The following ZMYM1 variants were observed in gnomAD, a reference collection of about 807,000 sequenced individuals.
The protein encoded by ZMYM1 is zinc finger MYM-type containing 1.
In ZMYM1, 39 loss-of-function variants were observed where a neutral mutation model predicts 60.0. The ratio of observed to expected loss-of-function variants is 0.65; its 90% confidence interval spans 0.50 to 0.85. The LOEUF is 0.85. ZMYM1 is among the 40% of genes least tolerant of loss of function. ZMYM1 has a pLI of 0.00. For missense variants in ZMYM1, 1,171 were observed against 1,309.5 expected (o/e 0.89, Z 1.63); for synonymous variants, 413 against 454.0 (o/e 0.91, Z 1.15).
intron 1 of ZMYM1, among the ~76,000 whole-genome samples, chr1:35,065,320 C>G (rs1386761351): frequency 1.3e-5 from 2 of 151,900 alleles, no homozygotes; most frequent in African/African-American, 4.8e-5. Context: ...TTTTATGACC[C>G]ATTTACACAT....
chr1:35,090,022 A>G (rs906455667), intron 1 of ZMYM1, among the ~76,000 whole-genome samples: 1 of 150,482 alleles, frequency 6.6e-6, no homozygotes, highest in African/African-American at 2.5e-5. Flanking sequence ...CTCCTGCCTC[A>G]GCCTCCCAGA....
At chr1:35,069,575 A>C (rs988917891) in intron 1 of ZMYM1, among the ~76,000 whole-genome samples, 20 of 152,040 alleles carry the variant, frequency 1.3e-4, no homozygotes, top group African/African-American at 4.8e-4. Flanking sequence ...CTGCACAAAA[A>C]CTTTTTAGTT....
At chr1:35,107,361 C>G (rs12124005) in intron 6 of ZMYM1, among the ~76,000 whole-genome samples, 2 of 150,192 alleles carry the variant, frequency 1.3e-5, no homozygotes, top group African/African-American at 2.4e-5. Context: ...CCCAGCTACT[C>G]TGGAGGCTGA....
At chr1:35,060,405 C>G (rs913736006) in intron 1 of ZMYM1, among the ~76,000 whole-genome samples, 3 of 151,900 alleles carry the variant, frequency 2.0e-5, no homozygotes, top group African/African-American at 7.3e-5. Context: ...GGTGATCGAC[C>G]CCCCTCGGCC....
chr1:35,081,306 C>CT (rs1642375753), intron 1 of ZMYM1, among the ~76,000 whole-genome samples: 1 of 152,040 alleles, frequency 6.6e-6, no homozygotes, highest in African/African-American at 2.4e-5. Flanking sequence ...CTTCCAGACT[C>CT]TGTTTTGTTT....
At chr1:35,060,402 G>A (rs998251857) in intron 1 of ZMYM1, among the ~76,000 whole-genome samples, 4 of 150,570 alleles carry the variant, frequency 2.7e-5, no homozygotes, top group East Asian at 1.9e-4. Context: ...TCTGGTGATC[G>A]ACCCCCCTCG....
intron 1 of ZMYM1, among the ~76,000 whole-genome samples, chr1:35,088,434 G>GTATATATATATATATATA (rs58346528): frequency 2.8e-4 from 19 of 68,028 alleles, no homozygotes; most frequent in Middle Eastern, 0.015. Flanking sequence ...GTGTTTATGT[G>GTATATATATATATATATA]TATATATATA....
rs1643826264 is a variant in ZMYM1 at position 35,104,704 on chromosome 1, A to G, written c.742A>G (p.Ile248Val). 6.2e-6 allele frequency: 10 copies of G among 1,614,100 alleles called. No individual in the cohort carries two copies. Among genetic ancestry groups the G allele is most frequent in the East Asian group, 2.2e-5 (1 of 44,886 alleles). Residue 248 changes from isoleucine (I) to valine (V), a missense_variant, in exon 6 of 10, where the codon ATA (isoleucine) becomes GTA (valine). Coordinates refer to ENST00000359858, the MANE Select transcript of ZMYM1 (RefSeq NM_024772.5). ...YCYTSSSLSH[I>V]LQMEGQSHYF... ...TTACACCAGCTCTAGTCTGTCCCAC[A>G]TACTTCAGATGGAAGGACAGTCTCA...
At chr1:35,107,394 G>A (rs1397010924) in intron 6 of ZMYM1, among the ~76,000 whole-genome samples, 3 of 151,046 alleles carry the variant, frequency 2.0e-5, no homozygotes, top group Non-Finnish European at 4.4e-5. Flanking sequence ...GCATGAACCC[G>A]GGAGGCGGAG....
intron 3 of ZMYM1, among the ~76,000 whole-genome samples, chr1:35,096,639 T>C (rs1029912877): frequency 2.6e-5 from 4 of 151,990 alleles, no homozygotes; most frequent in African/African-American, 9.6e-5. Context: ...GTTCAAGCAG[T>C]GCTCCTGCCT....
intron 6 of ZMYM1, among the ~76,000 whole-genome samples, chr1:35,106,982 G>A (rs892800759): frequency 6.6e-6 from 1 of 151,718 alleles, no homozygotes; most frequent in Admixed American, 6.5e-5. Flanking sequence ...CTCGCGAGCA[G>A]CTGGGACTAC....
chr1:35,096,957 C>T (rs1298173521), intron 3 of ZMYM1, among the ~76,000 whole-genome samples: 3 of 152,160 alleles, frequency 2.0e-5, no homozygotes, highest in East Asian at 1.9e-4. Flanking sequence ...TCCCAAAATG[C>T]TGGGATTACA....
At chr1:35,098,070 CTG>C (rs537640404) in intron 4 of ZMYM1, among the ~76,000 whole-genome samples, 2 of 152,066 alleles carry the variant, frequency 1.3e-5, no homozygotes, top group Non-Finnish European at 2.9e-5. Context: ...GTGAAAAGTA[CTG>C]TTTCTCTTCA....
At chr1:35,073,505 G>A (rs1327253947) in intron 1 of ZMYM1, among the ~76,000 whole-genome samples, 1 of 151,382 alleles carries the variant, frequency 6.6e-6, no homozygotes, top group Non-Finnish European at 1.5e-5. Context: ...CCAGGCTGCA[G>A]TGAGCTATGA....
At chr1:35,060,201 C>T (rs1168204579) in intron 1 of ZMYM1, among the ~76,000 whole-genome samples, 1 of 149,776 alleles carries the variant, frequency 6.7e-6, no homozygotes, top group Non-Finnish European at 1.5e-5. Context: ...CAGAGTTTCG[C>T]TCTTGTTGCC....
intron 1 of ZMYM1, among the ~76,000 whole-genome samples, chr1:35,082,364 G>T (rs1031552394): frequency 5.4e-5 from 8 of 148,532 alleles, no homozygotes; most frequent in African/African-American, 7.5e-5. Flanking sequence ...GGAGTCATGC[G>T]CTGTCACCCA....
At chr1:35,077,335 T>C (rs557053596), upstream of ZMYM1, among the ~76,000 whole-genome samples, 3 of 152,278 alleles carry the variant, frequency 2.0e-5, no homozygotes, top group Admixed American at 6.5e-5. Context: ...ACTGTCCTTG[T>C]TCCTTCCTGG....
chr1:35,110,182 CT>C (rs1644038414), intron 6 of ZMYM1, 111 bp from the exon 7 acceptor site: 1 of 809,446 alleles, frequency 1.2e-6, no homozygotes, highest in African/African-American at 1.8e-5. Flanking sequence ...TAAAAACTGT[CT>C]TAATTGTTAT....
chr1:35,089,248 C>T (rs546012276), intron 1 of ZMYM1, among the ~76,000 whole-genome samples: 5 of 152,288 alleles, frequency 3.3e-5, no homozygotes, highest in Middle Eastern at 3.4e-3. Context: ...TGTGATACCG[C>T]CACTGCACAA....
Sources: allele counts gnomAD v4.1 joint callset (sites outside exome capture counted in the v4.1 genomes callset), GRCh38; gene constraint gnomAD v4.1.1; transcripts MANE v1.5; gene names NCBI Gene and HGNC (gene_info 2026-07-23, HGNC 2026-07-21).